Variants in GSK3B observed in about 807,000 individuals in gnomAD.
GSK3B encodes glycogen synthase kinase 3 beta, also known as glycogen synthase kinase-3 beta.
In GSK3B, 15 loss-of-function variants were observed where a neutral mutation model predicts 56.4. The observed-to-expected ratio is 0.27, with a 90% CI of 0.18 to 0.41. GSK3B has a LOEUF of 0.41. Ranked by LOEUF, GSK3B falls within the 10% of genes least tolerant of loss-of-function variation. GSK3B has a pLI of 1.00. For synonymous variants in GSK3B, 181 were observed against 188.9 expected (o/e 0.96, Z 0.34); for missense variants, 300 against 513.4 (o/e 0.58, Z 4.02).
At chr3:119,900,184 G>A (rs1006375601) in intron 7 of GSK3B, among the ~76,000 whole-genome samples, 5 of 151,936 alleles carry the variant, frequency 3.3e-5, no homozygotes. Context: ...TATATTTAAT[G>A]TCAAGCTTTT....
At chr3:119,996,693 A>T (rs1189959801) in intron 2 of GSK3B, among the ~76,000 whole-genome samples, 3 of 151,928 alleles carry the variant, frequency 2.0e-5, no homozygotes, top group Non-Finnish European at 4.4e-5. Context: ...TTACATAGGG[A>T]CATATTTTCA....
chr3:119,826,817 C>T lies in GSK3B; in HGVS notation c.1234G>A (p.Ala412Thr). ...GTGGAGTTGGAAGCTGATGCAGAAGCAGCATTATTGGTCTGTCCACGGTCT... is the reference window on the plus strand; with the variant it reads ...GTGGAGTTGGAAGCTGATGCAGAAGTAGCATTATTGGTCTGTCCACGGTCT... Reference protein sequence around the residue: ...TGDRGQTNNAASASASNST With the variant: ...TGDRGQTNNATSASASNST The change falls in exon 11 of 11, where the codon GCT becomes ACT. Residue 412 changes from alanine to threonine, a missense_variant. Ala to Thr is a moderately conservative substitution (Grantham distance 58). Coordinates refer to ENST00000264235, the MANE Select transcript of GSK3B (RefSeq NM_001146156.2). 1 of 1,613,226 alleles carries T rather than the reference C, an allele frequency of 6.2e-7. No homozygotes were observed. Among genetic ancestry groups the T allele is most frequent in the Non-Finnish European group, 8.5e-7 (1 of 1,179,182 alleles).
intron 4 of GSK3B, among the ~76,000 whole-genome samples, chr3:119,922,459 C>CTA (rs990676946): frequency 2.0e-4 from 29 of 145,558 alleles, no homozygotes; most frequent in South Asian, 4.3e-4. Context: ...ATTATATATA[C>CTA]TATATATATA....
chr3:119,863,320 C>T (rs369738862), intron 9 of GSK3B, 99 bp downstream of exon 9: 26 of 933,720 alleles, frequency 2.8e-5, no homozygotes, highest in East Asian at 4.8e-5. Context: ...TTAATATGTC[C>T]GTTTTTGTCC....
chr3:120,011,608 A>C (rs2057779200), intron 1 of GSK3B, among the ~76,000 whole-genome samples: 1 of 152,224 alleles, frequency 6.6e-6, no homozygotes. Flanking sequence ...ATCTAGAGAC[A>C]AGGTACTTAC....
intron 2 of GSK3B, among the ~76,000 whole-genome samples, chr3:119,972,874 A>C (rs1243729748): frequency 1.3e-5 from 2 of 152,200 alleles, no homozygotes; most frequent in African/African-American, 4.8e-5. Flanking sequence ...ATAACAAAAA[A>C]CAGTTCTATA....
Position 120,093,953 on chromosome 3 carries a change from A to AGCTCCGGCAAGCCGCGG in GSK3B, c.-536_-520dup, listed in dbSNP as rs2058539354. The AGCTCCGGCAAGCCGCGG allele has an allele frequency of 4.8e-6, 1 of 209,162 alleles. No homozygotes were observed. Among genetic ancestry groups the AGCTCCGGCAAGCCGCGG allele is most frequent in the Non-Finnish European group, 9.8e-6 (1 of 102,428 alleles). 13.0% of individuals were successfully genotyped at this position (209,162 alleles called of 1,614,324 possible). On this transcript the variant is annotated 5_prime_UTR_variant, in exon 1 of 11. Coordinates refer to ENST00000264235, the MANE Select transcript of GSK3B (RefSeq NM_001146156.2). ...TCGGAGATGCGACGGGAAACGCTGC[A>AGCTCCGGCAAGCCGCGG]GCTCCGGCAAGCCGCGGGATCCGGC...
rs148828914 is a variant in GSK3B at position 119,844,366 on chromosome 3, TA to T, written c.1097-1014del. Among the ~76,000 whole-genome samples the T allele has an allele frequency of 4.6e-3, 674 of 147,494 alleles. 1 individual carries two copies. Among genetic ancestry groups the T allele is most frequent in the African/African-American group, 0.016 (624 of 40,212 alleles). On this transcript the variant is annotated intron_variant, in intron 9 of 10. Coordinates refer to ENST00000264235, the MANE Select transcript of GSK3B (RefSeq NM_001146156.2). The stretch of plus-strand genomic sequence containing the variant: ...AGGAGACAGAGACACAAAAAACTCT[TA>T]AAAAAAAAAAATCAATGAATCCAGG...
At chr3:119,929,586 AG>A (rs1489426413) in intron 3 of GSK3B, among the ~76,000 whole-genome samples, 3 of 151,844 alleles carry the variant, frequency 2.0e-5, no homozygotes, top group Admixed American at 6.6e-5. Context: ...TGGGCAACAC[AG>A]GGAGGCACCA....
At chr3:119,935,106 C>T (rs1357823077) in intron 3 of GSK3B, among the ~76,000 whole-genome samples, 1 of 152,070 alleles carries the variant, frequency 6.6e-6, no homozygotes, top group African/African-American at 2.4e-5. Flanking sequence ...AATTCAAACT[C>T]AAGAGCTTTA....
chr3:119,827,756 T>C (rs889289353), intron 10 of GSK3B, among the ~76,000 whole-genome samples: 1 of 152,082 alleles, frequency 6.6e-6, no homozygotes, highest in Non-Finnish European at 1.5e-5. Flanking sequence ...TTCTCACTTA[T>C]TTGTAGGAGC....
chr3:120,090,479 C>A lies in GSK3B; in HGVS notation c.88+2868G>T, dbSNP rs114214246. Among the ~76,000 whole-genome samples the A allele has an allele frequency of 4.0e-3, 604 of 152,238 alleles. 6 individuals carry two copies. Among genetic ancestry groups the A allele is most frequent in the African/African-American group, 0.014 (569 of 41,544 alleles). On this transcript the variant is annotated intron_variant, in intron 1 of 10. Coordinates refer to ENST00000264235, the MANE Select transcript of GSK3B (RefSeq NM_001146156.2). ...CACCTCAGCACTTTCTCAATTTTCC[C>A]ATTACAATTAACAATATAACTTAGC...
At chr3:119,897,194 C>T (rs1003030245) in intron 7 of GSK3B, among the ~76,000 whole-genome samples, 3 of 152,192 alleles carry the variant, frequency 2.0e-5, no homozygotes, top group East Asian at 3.9e-4. Context: ...TGAGCTACAT[C>T]GCCAGGAGTT....
intron 1 of GSK3B, among the ~76,000 whole-genome samples, chr3:120,082,584 C>T (rs1003108951): frequency 4.0e-5 from 6 of 151,600 alleles, no homozygotes; most frequent in Non-Finnish European, 5.9e-5. Flanking sequence ...TTAGTAGAGA[C>T]GGGGTTTCAC....
intron 1 of GSK3B, among the ~76,000 whole-genome samples, chr3:120,077,036 G>A (rs1415316479): frequency 6.6e-6 from 1 of 152,090 alleles, no homozygotes; most frequent in Admixed American, 6.5e-5. Flanking sequence ...TGTTGGTAGA[G>A]GTGTAGAGAA....
intron 2 of GSK3B, among the ~76,000 whole-genome samples, chr3:119,989,196 C>T (rs1364590503): frequency 1.3e-5 from 2 of 152,112 alleles, no homozygotes; most frequent in African/African-American, 2.4e-5. Flanking sequence ...ATCCTTCACC[C>T]CCATGTCTAG....
chr3:119,944,187 T>C (rs1024971932), intron 3 of GSK3B, among the ~76,000 whole-genome samples: 2 of 152,166 alleles, frequency 1.3e-5, no homozygotes, highest in Non-Finnish European at 2.9e-5. Flanking sequence ...TCTCCCTAAT[T>C]GCCTCCTCAA....
chr3:119,854,665 G>A (rs2108023535), intron 9 of GSK3B, among the ~76,000 whole-genome samples: 1 of 152,260 alleles, frequency 6.6e-6, no homozygotes, highest in South Asian at 2.1e-4. Context: ...TATGTTTCCA[G>A]GAATTTATCC....
rs34345294 is a variant in GSK3B, at chr3:119,967,085, C to CT, written c.283-19735dup. On this transcript the variant is annotated intron_variant, in intron 2 of 10. Transcript: ENST00000264235. ...ACAATCCTGTTGAAATTACAGCTAC[C>CT]TTTTTTTTTTTTAGACGGAGTCTTG... Among the ~76,000 whole-genome samples the CT allele has an allele frequency of 8.1e-3, 1,181 of 145,138 alleles. 14 individuals carry two copies. Among genetic ancestry groups the CT allele is most frequent in the African/African-American group, 0.02 (809 of 40,046 alleles).
Sources: gnomAD v4.1 joint callset for allele counts (sites outside exome capture counted in the v4.1 genomes callset) on GRCh38, gnomAD v4.1.1 for gene constraint, MANE v1.5 for transcripts, NCBI Gene and HGNC (gene_info 2026-07-23, HGNC 2026-07-21) for gene names.